Variants in CLCA2 observed in about 807,000 individuals in gnomAD.
The protein encoded by CLCA2 is calcium-activated chloride channel regulator 2.
In CLCA2, 85 loss-of-function variants were observed where a neutral mutation model predicts 82.9. The observed-to-expected ratio is 1.03, with a 90% confidence interval of 0.86 to 1.23. The LOEUF is 1.23. Ranked by LOEUF, CLCA2 falls within the 50% of genes most tolerant of loss-of-function variation. The pLI is 0.00. For missense variants in CLCA2, 1,089 were observed against 1,124.8 expected, an observed-to-expected ratio of 0.97 and a Z score of 0.45; for synonymous variants, 421 against 391.7, an observed-to-expected ratio of 1.07 and a Z score of -0.88.
chr1:86,453,528 T>C lies in CLCA2; in HGVS notation c.2315T>C (p.Leu772Pro). Residue 772 changes from leucine (L) to proline (P), a missense_variant, in exon 13 of 14, where the codon CTG becomes CCG. Leu to Pro is a moderately conservative substitution (Grantham distance 98, BLOSUM62 -3). Transcript: ENST00000370565. ...DVFPPCKIIDLEAVKVEEELT... is the reference protein window; with the variant it reads ...DVFPPCKIIDPEAVKVEEELT... ...TTTCCACCATGCAAAATTATTGACC[T>C]GGAAGCTGTAAAAGTAGAAGAGGAA... 5 of 1,614,158 alleles carry C rather than the reference T, an allele frequency of 3.1e-6. No individual in the cohort carries two copies. Among genetic ancestry groups the C allele is most frequent in the Non-Finnish European group, 4.2e-6 (5 of 1,180,018 alleles).
intron 12 of CLCA2, among the ~76,000 whole-genome samples, chr1:86,452,965 G>A (rs148769254): frequency 2.4e-3 from 370 of 152,252 alleles, no homozygotes; most frequent in Non-Finnish European, 4.1e-3. Flanking sequence ...ACGAGGACAG[G>A]AGTTCGAGAC....
chr1:86,452,105 A>T (rs1444637156), intron 12 of CLCA2, among the ~76,000 whole-genome samples: 1 of 148,006 alleles, frequency 6.8e-6, no homozygotes, highest in African/African-American at 2.5e-5. Context: ...CAAACTTTGT[A>T]ATTTAATTTT....
chr1:86,444,012 G>T lies in CLCA2; in HGVS notation c.1713+1G>T, dbSNP rs1189514793. 2 of 1,589,842 alleles carry T rather than the reference G, an allele frequency of 1.3e-6. No individual in the cohort carries two copies. The highest frequency in any genetic ancestry group is 1.7e-6 in the Non-Finnish European group (2 of 1,158,404). ...TCTTTGGATTCCAGGAACAGCTAAG[G>T]TAGGTGTTGTGAGTTTGTTCCTAAG... On this transcript the variant is annotated splice_donor_variant, in intron 10 of 13. Transcript: ENST00000370565. LOFTEE classifies it high-confidence loss of function.
chr1:86,428,992 C>T (rs1662443193), intron 3 of CLCA2, among the ~76,000 whole-genome samples: 1 of 152,110 alleles, frequency 6.6e-6, no homozygotes. Context: ...AGACTGTGGG[C>T]AGTGGGAGAA....
intron 9 of CLCA2, among the ~76,000 whole-genome samples, chr1:86,443,015 G>A (rs2791465): frequency 0.71 from 107,284 of 151,868 alleles, 39,009 homozygotes; most frequent in Non-Finnish European, 0.78. Context: ...GTGGCTTATT[G>A]TGAATGGCTA....
intron 10 of CLCA2, among the ~76,000 whole-genome samples, chr1:86,444,466 G>T (rs1210039438): frequency 6.6e-6 from 1 of 152,092 alleles, no homozygotes; most frequent in African/African-American, 2.4e-5. Context: ...GGTACTATCA[G>T]AACATACAAG....
rs1379166354 is a variant in CLCA2 at position 86,424,360 on chromosome 1, A to G, written c.113A>G (p.Asn38Ser). The G allele has an allele frequency of 3.7e-6, 6 of 1,613,870 alleles. No individual in the cohort carries two copies. The highest frequency in any genetic ancestry group is 5.1e-6 in the Non-Finnish European group (6 of 1,179,876). Reference protein sequence around the residue: ...FLGAGVQLQDNGYNGLLIAIN... With the variant: ...FLGAGVQLQDSGYNGLLIAIN... ...GGAGCTGGAGTACAGCTTCAAGACA[A>G]TGGGTATAATGGATTGCTCATTGCA... The change falls in exon 1 of 14, where the codon AAT (asparagine) becomes AGT (serine). Residue 38 changes from asparagine to serine, a missense_variant. Asn to Ser is a conservative substitution (Grantham distance 46). Coordinates refer to ENST00000370565, the MANE Select transcript of CLCA2 (RefSeq NM_006536.7).
Position 86,443,915 on chromosome 1 carries a change from A to T in CLCA2, c.1617A>T (p.Ile539=). Residue 539 remains isoleucine (I), a synonymous_variant, in exon 10 of 14, where the codon ATA becomes ATT. Transcript: ENST00000370565. The part of the protein sequence containing the change: ...TWQASGPPEI[I]LFDPDGRKYY... ...AGGCCAGTGGTCCTCCTGAGATTAT[A>T]TTATTTGATCCTGATGGACGAAAAT... 6.2e-7 allele frequency: 1 copy of T among 1,613,562 alleles called. No individual in the cohort carries two copies. Among genetic ancestry groups the T allele is most frequent in the Non-Finnish European group, 8.5e-7 (1 of 1,179,494 alleles).
At chr1:86,425,608 G>A in intron 2 of CLCA2, 132 bp downstream of exon 2, 3 of 623,586 alleles carry the variant, frequency 4.8e-6, no homozygotes, top group Non-Finnish European at 7.1e-6. Context: ...TAATATTAAT[G>A]GGCAGAATGT....
chr1:86,437,921 T>C (rs1477270129), intron 6 of CLCA2, among the ~76,000 whole-genome samples: 1 of 152,190 alleles, frequency 6.6e-6, no homozygotes, highest in Non-Finnish European at 1.5e-5. Flanking sequence ...AATTTTACTA[T>C]GATCACATAA....
Position 86,424,201 on chromosome 1 carries a change from T to G in CLCA2, c.-47T>G. The G allele has an allele frequency of 1.9e-6, 3 of 1,542,056 alleles. No homozygotes were observed. The highest frequency in any genetic ancestry group is 2.6e-6 in the Non-Finnish European group (3 of 1,141,828). On this transcript the variant is annotated 5_prime_UTR_variant, in exon 1 of 14. The change abolishes an upstream ATG in the 5' untranslated region. Transcript: ENST00000370565. Reference sequence around the variant, plus strand: ...CATCCATATTGAAAACCTGACACAATGTATGCAGCAGGCTCAGTGTGAGTG... The same window carrying G: ...CATCCATATTGAAAACCTGACACAAGGTATGCAGCAGGCTCAGTGTGAGTG...
chr1:86,453,483 C>G lies in CLCA2; in HGVS notation c.2270C>G (p.Ala757Gly), dbSNP rs1286128892. Reference sequence around the variant, plus strand: ...TCCTTTTCAGTGCTGGGAGTTCCAGCTGGCCCCCACCCTGATGTGTTTCCA... The same window carrying G: ...TCCTTTTCAGTGCTGGGAGTTCCAGGTGGCCCCCACCCTGATGTGTTTCCA... ...GGSFSVLGVP[A>G]GPHPDVFPPC... The change falls in exon 13 of 14, where the codon GCT becomes GGT. Residue 757 changes from alanine (A) to glycine (G), a missense_variant. Physicochemically the swap from Ala to Gly is moderately conservative, Grantham distance 60. Transcript: ENST00000370565. The G allele has an allele frequency of 6.2e-7, 1 of 1,614,144 alleles. No homozygotes were observed.
intron 12 of CLCA2, among the ~76,000 whole-genome samples, chr1:86,451,173 G>A (rs969788): frequency 0.14 from 21,204 of 152,132 alleles, 1,564 homozygotes; most frequent in Middle Eastern, 0.21. Flanking sequence ...ATGAGCTTGG[G>A]TGTTACAGGC....
Position 86,438,904 on chromosome 1 carries a change from C to T in CLCA2, c.1001C>T (p.Ala334Val), listed in dbSNP as rs148036152. Residue 334 changes from alanine to valine, a missense_variant, in exon 7 of 14, where the codon GCC becomes GTC. Ala to Val is a moderately conservative substitution (Grantham distance 64, BLOSUM62 0). Coordinates refer to ENST00000370565, the MANE Select transcript of CLCA2 (RefSeq NM_006536.7). ...EADRLLQLQQ[A>V]AEFYLMQIVE... is the part of the protein sequence containing the mutation. ...GACAGACTCCTTCAACTACAACAAG[C>T]CGCAGAATTTTATTTGATGCAGATT... is the stretch of plus-strand genomic sequence containing the variant. 6.2e-7 allele frequency: 1 copy of T among 1,614,056 alleles called. No homozygotes were observed. Among genetic ancestry groups the T allele is most frequent in the Non-Finnish European group, 8.5e-7 (1 of 1,179,968 alleles).
In CLCA2 at chr1:86,450,596, C is replaced by T. The variant is rs1383913021; in HGVS notation, c.2018C>T (p.Ser673Leu). 5 of 1,612,054 alleles carry T rather than the reference C, an allele frequency of 3.1e-6. No individual in the cohort carries two copies. The highest frequency in any genetic ancestry group is 1.3e-5 in the African/African-American group (1 of 74,772). The change falls in exon 12 of 14, where the codon TCG becomes TTG. Residue 673 changes from serine (S) to leucine (L), a missense_variant. By Grantham distance (145) the Ser-to-Leu change is moderately radical (BLOSUM62 -2). Transcript: ENST00000370565. ...GTTATAAAAAATGATGGAATTTACT[C>T]GAGGTATTTTTTCTCCTTTGCTGCA... ...ADVIKNDGIY[S>L]RYFFSFAANG...
At position 86,439,189 on chromosome 1, in the gene CLCA2, C is replaced by T. The variant is rs1662675292; in HGVS notation, c.1203+83C>T. The T allele has an allele frequency of 2.4e-6, 3 of 1,236,974 alleles. No homozygotes were observed. The Admixed American group carries it at 5.7e-5, about 23-fold the overall frequency. The allele number at this position is 1,236,974 out of a possible 1,614,324, so 76.6% of individuals were successfully genotyped here. A position where few individuals can be genotyped will look rare whatever the true frequency, so the allele number is the denominator to read the frequency against. On this transcript the variant is annotated intron_variant, in intron 7 of 13. Transcript: ENST00000370565. ...ATACGAGGTTTCCTCTGATGATGGGCAGTTTGTTACAGGGTGGTCATAACA... is the reference window on the plus strand; with the variant it reads ...ATACGAGGTTTCCTCTGATGATGGGTAGTTTGTTACAGGGTGGTCATAACA...
intron 4 of CLCA2, among the ~76,000 whole-genome samples, chr1:86,431,946 G>GT (rs1390558031): frequency 2.0e-5 from 3 of 152,114 alleles, no homozygotes; most frequent in African/African-American, 4.8e-5. Context: ...TTTTTTGTTT[G>GT]TTTTTTGAGA....
At chr1:86,434,424 C>A in intron 5 of CLCA2, 94 bp from the exon 6 acceptor site, 1 of 971,652 alleles carries the variant, frequency 1.0e-6, no homozygotes, top group Non-Finnish European at 1.5e-6. Context: ...TCTTTCAGTT[C>A]ACCTTTTCTT....
Position 86,432,532 on chromosome 1 carries a change from A to G in CLCA2, c.744+4A>G. On this transcript the variant is annotated splice_donor_region_variant and intron_variant, in intron 5 of 13. Coordinates refer to ENST00000370565, the MANE Select transcript of CLCA2 (RefSeq NM_006536.7). ...GTTCATGCAAAGTTTATCTTCTGTAAGTATGCCCTTGGAATGACACACTCT... is the reference window on the plus strand; with the variant it reads ...GTTCATGCAAAGTTTATCTTCTGTAGGTATGCCCTTGGAATGACACACTCT... The G allele has an allele frequency of 6.2e-7, 1 of 1,613,112 alleles. No homozygotes were observed. Among genetic ancestry groups the G allele is most frequent in the Non-Finnish European group, 8.5e-7 (1 of 1,179,594 alleles).
Sources: gnomAD v4.1 joint callset for allele counts (sites outside exome capture counted in the v4.1 genomes callset) on GRCh38, gnomAD v4.1.1 for gene constraint, MANE v1.5 for transcripts, NCBI Gene and HGNC (gene_info 2026-07-23, HGNC 2026-07-21) for gene names.